TANC2: variants seen among roughly 807,000 people sequenced by gnomAD.
The protein encoded by TANC2 is tetratricopeptide repeat, ankyrin repeat and coiled-coil containing 2.
A neutral mutation model predicts 210.5 loss-of-function variants in TANC2; 26 were observed. The ratio of observed to expected loss-of-function variants is 0.12; its 90% confidence interval spans 0.09 to 0.17. TANC2 has a LOEUF of 0.17. TANC2 is among the 10% of genes least tolerant of loss of function. The pLI is 1.00. For missense variants in TANC2, 2,129 were observed against 2,608.9 expected (o/e 0.82, Z 4.01); for synonymous variants, 931 against 967.1 (o/e 0.96, Z 0.69).
At chr17:62,998,503 G>C (rs1367633715) in intron 1 of TANC2, among the ~76,000 whole-genome samples, 5 of 152,182 alleles carry the variant, frequency 3.3e-5, no homozygotes, top group African/African-American at 7.2e-5. Flanking sequence ...AAGGCAGCTA[G>C]AAAGAAGGGG....
chr17:63,118,733 T>C (rs534976909), intron 4 of TANC2, among the ~76,000 whole-genome samples: 26 of 152,026 alleles, frequency 1.7e-4, no homozygotes, highest in Non-Finnish European at 2.8e-4. Flanking sequence ...CCTCACCCTA[T>C]TGAGTAGCTT....
intron 8 of TANC2, among the ~76,000 whole-genome samples, chr17:63,241,847 T>C (rs1256202967): frequency 6.6e-6 from 1 of 152,190 alleles, no homozygotes; most frequent in African/African-American, 2.4e-5. Context: ...TGAGAGGACA[T>C]TGTTACTCAG....
chr17:62,993,877 C>T (rs1250006271), intron 1 of TANC2, among the ~76,000 whole-genome samples: 1 of 152,124 alleles, frequency 6.6e-6, no homozygotes, highest in Non-Finnish European at 1.5e-5. Flanking sequence ...ATCAGTGAGC[C>T]ATGCTCATGC....
chr17:62,977,037 A>G (rs1173800891), intron 1 of TANC2, among the ~76,000 whole-genome samples: 1 of 152,198 alleles, frequency 6.6e-6, no homozygotes, highest in Non-Finnish European at 1.5e-5. Flanking sequence ...CCTTTGTTCC[A>G]TGCACTCTTG....
intron 2 of TANC2, among the ~76,000 whole-genome samples, chr17:63,049,508 T>C (rs1389973548): frequency 6.6e-6 from 1 of 152,092 alleles, no homozygotes; most frequent in African/African-American, 2.4e-5. Flanking sequence ...GGCCTTGATA[T>C]GAGTATATTC....
intron 5 of TANC2, among the ~76,000 whole-genome samples, chr17:63,157,790 C>T (rs1247860891): frequency 1.3e-5 from 2 of 151,924 alleles, no homozygotes; most frequent in African/African-American, 4.8e-5. Flanking sequence ...TACTGTGCCA[C>T]CCAGGCTGGA....
At chr17:63,194,137 C>G in exon 6 of TANC2, 1 of 1,612,044 alleles carries the variant, frequency 6.2e-7, no homozygotes. Context: ...GGATGAAAAT[C>G]AGGTAAGCTG....
chr17:63,160,588 T>C (rs925412482), intron 5 of TANC2, among the ~76,000 whole-genome samples: 1 of 152,224 alleles, frequency 6.6e-6, no homozygotes, highest in Non-Finnish European at 1.5e-5. Flanking sequence ...TAATTTCTTG[T>C]TGTTATAAAG....
At chr17:63,304,064 A>C (rs1225487563) in intron 9 of TANC2, among the ~76,000 whole-genome samples, 1 of 151,874 alleles carries the variant, frequency 6.6e-6, no homozygotes, top group Non-Finnish European at 1.5e-5. Context: ...TTTATTACCC[A>C]CCTTCTGAAG....
At chr17:63,403,420 C>G (rs188639398) in intron 19 of TANC2, among the ~76,000 whole-genome samples, 140 of 152,028 alleles carry the variant, frequency 9.2e-4, no homozygotes, top group African/African-American at 3.3e-3. Flanking sequence ...AAGTGTCTAT[C>G]CAGTCAAATT....
intron 1 of TANC2, among the ~76,000 whole-genome samples, chr17:62,974,592 A>G (rs980196677): frequency 6.6e-6 from 1 of 152,184 alleles, no homozygotes; most frequent in Non-Finnish European, 1.5e-5. Flanking sequence ...TAATTTTACT[A>G]CTATTGTCTT....
intron 12 of TANC2, among the ~76,000 whole-genome samples, chr17:63,350,501 TA>T (rs2046566914): frequency 1.3e-5 from 2 of 152,182 alleles, no homozygotes; most frequent in South Asian, 4.1e-4. Context: ...AGCATAGCCC[TA>T]AAGTTAAATT....
chr17:63,141,070 AATATT>A (rs2039272205), intron 4 of TANC2, among the ~76,000 whole-genome samples: 1 of 152,116 alleles, frequency 6.6e-6, no homozygotes, highest in East Asian at 1.9e-4. Context: ...TTATAAATGA[AATATT>A]ATAATATTTG....
intron 9 of TANC2, among the ~76,000 whole-genome samples, chr17:63,285,065 T>TAG (rs774956331): frequency 1.3e-5 from 2 of 152,156 alleles, no homozygotes; most frequent in East Asian, 1.9e-4. Context: ...TTATTTGTGT[T>TAG]AGCATATATT....
At chr17:63,405,141 A>C in exon 20 of TANC2, 1 of 1,613,016 alleles carries the variant, frequency 6.2e-7, no homozygotes, top group South Asian at 1.1e-5. Flanking sequence ...CTGCAGCCGG[A>C]AGGGGCAAAC....
At chr17:63,225,088 T>A (rs1285949928) in intron 7 of TANC2, among the ~76,000 whole-genome samples, 1 of 152,232 alleles carries the variant, frequency 6.6e-6, no homozygotes, top group Non-Finnish European at 1.5e-5. Flanking sequence ...AGAATTGTTC[T>A]CACCTTTTCT....
chr17:63,283,984 G>C (rs1453654332), intron 9 of TANC2, among the ~76,000 whole-genome samples: 1 of 151,734 alleles, frequency 6.6e-6, no homozygotes, highest in Non-Finnish European at 1.5e-5. Context: ...ACTCTGACTA[G>C]AACTAGTACA....
At chr17:63,002,895 G>A (rs953488385) in intron 1 of TANC2, among the ~76,000 whole-genome samples, 4 of 152,142 alleles carry the variant, frequency 2.6e-5, no homozygotes, top group African/African-American at 9.7e-5. Flanking sequence ...TGGACACCTA[G>A]TCTAGGTATA....
At chr17:63,066,151 G>A (rs1220491977) in intron 2 of TANC2, among the ~76,000 whole-genome samples, 1 of 152,162 alleles carries the variant, frequency 6.6e-6, no homozygotes, top group Admixed American at 6.5e-5. Context: ...GGTCAGGCCT[G>A]GATCCTGGGG....
Sources: allele counts gnomAD v4.1 joint callset (sites outside exome capture counted in the v4.1 genomes callset), GRCh38; gene constraint gnomAD v4.1.1; transcripts MANE v1.5; gene names NCBI Gene and HGNC (gene_info 2026-07-23, HGNC 2026-07-21).